The following ARHGEF10L variants were observed in gnomAD, a reference collection of about 807,000 sequenced individuals.
The protein encoded by ARHGEF10L is rho guanine nucleotide exchange factor 10-like protein.
A neutral mutation model predicts 141.2 loss-of-function variants in ARHGEF10L; 69 were observed. The observed-to-expected ratio is 0.49, with a 90% confidence interval of 0.40 to 0.60. The LOEUF (loss-of-function observed/expected upper bound fraction) is 0.60, where lower values mean the gene tolerates loss of function less well. ARHGEF10L is among the 20% of genes least tolerant of loss of function. ARHGEF10L has a pLI of 0.00. For synonymous variants in ARHGEF10L, 711 were observed against 718.5 expected, an observed-to-expected ratio of 0.99 and a Z score of 0.17; for missense variants, 1,482 against 1,734.3, an observed-to-expected ratio of 0.85 and a Z score of 2.58.
the ARHGEF10L span, among the ~76,000 whole-genome samples, chr1:17,533,377 C>A: frequency 0.017 from 2,514 of 151,890 alleles, 31 homozygotes; most frequent in Middle Eastern, 0.041. Context: ...GCTATGTTGC[C>A]CAGGCTGGTC....
rs1436065945 is a variant in ARHGEF10L at position 17,621,333 on chromosome 1, A to G, written c.943-531A>G. ...CTGCAACCTCTGCCTCCCAGGTTCC[A>G]GCAATTCTCTTGCTTCAGCCTCCAA... On this transcript the variant is annotated intron_variant, in intron 10 of 28. Coordinates refer to ENST00000361221, the MANE Select transcript of ARHGEF10L (RefSeq NM_018125.4). The surrounding 1 kb of genome is among the most constrained non-coding windows in gnomAD (Gnocchi z 4.1). Among the ~76,000 whole-genome samples, 2 of 152,112 alleles carry G rather than the reference A, an allele frequency of 1.3e-5. No homozygotes were observed. Among genetic ancestry groups the G allele is most frequent in the East Asian group, 3.9e-4 (2 of 5,174 alleles).
intron 27 of ARHGEF10L, chr1:17,694,798 T>C (rs1040139875): frequency 2.4e-6 from 1 of 408,224 alleles, no homozygotes; most frequent in South Asian, 1.9e-5. Flanking sequence ...GCTGGCTGGA[T>C]CCCTGCATGG....
Position 17,623,229 on chromosome 1 carries a change from C to T in ARHGEF10L, c.1200+54C>T. The stretch of plus-strand genomic sequence containing the variant: ...CCACCAAGGTAAAACCACAACCAGT[C>T]TGACCCCGGGGCCATGCAGTCCAGC... On this transcript the variant is annotated intron_variant, in intron 12 of 28. Coordinates refer to ENST00000361221, the MANE Select transcript of ARHGEF10L (RefSeq NM_018125.4). The surrounding 1 kb of genome is among the most constrained non-coding windows in gnomAD (Gnocchi z 4.7). 1 of 1,582,232 alleles carries T rather than the reference C, an allele frequency of 6.3e-7. No homozygotes were observed. Among genetic ancestry groups the T allele is most frequent in the Non-Finnish European group, 8.6e-7 (1 of 1,161,782 alleles).
intron 27 of ARHGEF10L, 103 bp from the exon 28 acceptor site, chr1:17,695,055 C>G (rs1430065151): frequency 6.4e-7 from 1 of 1,555,250 alleles, no homozygotes; most frequent in East Asian, 2.2e-5. Context: ...TTGCTGGTTT[C>G]AGGGGAGGAG....
intron 26 of ARHGEF10L, among the ~76,000 whole-genome samples, chr1:17,671,243 G>A (rs1423885706): frequency 6.6e-6 from 1 of 152,238 alleles, no homozygotes; most frequent in Admixed American, 6.5e-5. Context: ...GAGATTCGGG[G>A]GGTTAGGCAT....
rs1302351365 is a variant in ARHGEF10L at position 17,625,832 on chromosome 1, C to T, written c.1318-124C>T. 1.3e-6 allele frequency: 1 copy of T among 791,064 alleles called. No individual in the cohort carries two copies. 49.0% of individuals were successfully genotyped at this position (791,064 alleles called of 1,614,324 possible). ...ACCTCTCTCAGCTCTTCTTGCAAGCCCAGGGATAGGCAGGGTCTTAGGGCC... is the reference window on the plus strand; with the variant it reads ...ACCTCTCTCAGCTCTTCTTGCAAGCTCAGGGATAGGCAGGGTCTTAGGGCC... On this transcript the variant is annotated intron_variant, in intron 13 of 28. Transcript: ENST00000361221. This position sits in a 1 kb window ranked among gnomAD's most constrained non-coding sequence, Gnocchi z 4.5.
chr1:17,599,584 G>C (rs2080445506), intron 4 of ARHGEF10L, among the ~76,000 whole-genome samples: 1 of 152,170 alleles, frequency 6.6e-6, no homozygotes, highest in Non-Finnish European at 1.5e-5. Flanking sequence ...TGAGGAGGTG[G>C]CGGCTCAGCG....
intron 4 of ARHGEF10L, among the ~76,000 whole-genome samples, chr1:17,595,151 A>G (rs769020344): frequency 6.0e-5 from 9 of 150,932 alleles, no homozygotes; most frequent in Admixed American, 1.3e-4. Flanking sequence ...TTTGCTAGGC[A>G]TGTATGCAAG....
intron 27 of ARHGEF10L, chr1:17,691,333 G>C: frequency 3.5e-6 from 1 of 282,660 alleles, no homozygotes. Flanking sequence ...CCCAGAATGA[G>C]GTCTGCAGAT....
chr1:17,532,649 A>G, the ARHGEF10L span, among the ~76,000 whole-genome samples: 1 of 143,860 alleles, frequency 7.0e-6, no homozygotes, highest in Non-Finnish European at 1.5e-5. Flanking sequence ...GGCTGGAGTG[A>G]AGTGGCGTGA....
In ARHGEF10L at chr1:17,540,040, G is replaced by C. The variant is rs549412306; in HGVS notation, c.-44+90G>C. ...GCGCGGGAGGCGCTCCAGGCGCCAG[G>C]GTCCTCCGGGTGTCCTGGGCGTGTC... On this transcript the variant is annotated intron_variant, in intron 1 of 28. Transcript: ENST00000361221. 2.6e-5 allele frequency: 4 copies of C among 152,140 alleles called. No individual in the cohort carries two copies. In the East Asian group the frequency reaches 7.8e-4, roughly 30 times the overall value. The allele number at this position is 152,140 out of a possible 1,614,324, so 9.4% of individuals were successfully genotyped here. A position where few individuals can be genotyped will look rare whatever the true frequency, so the allele number is the denominator to read the frequency against.
At chr1:17,678,187 C>G (rs549028635) in intron 26 of ARHGEF10L, among the ~76,000 whole-genome samples, 3 of 152,214 alleles carry the variant, frequency 2.0e-5, no homozygotes, top group Admixed American at 6.5e-5. Flanking sequence ...AAGGGTAAGA[C>G]TCGCAGCAAA....
Position 17,687,635 on chromosome 1 carries a change from C to T in ARHGEF10L, c.3072C>T (p.Ser1024=), listed in dbSNP as rs768636754. 3.3e-5 allele frequency: 54 copies of T among 1,612,752 alleles called. No individual in the cohort carries two copies. Among genetic ancestry groups the T allele is most frequent in the Non-Finnish European group, 4.1e-5 (48 of 1,179,844 alleles). The change falls in exon 27 of 29, where the codon AGC becomes AGT. Residue 1024 remains serine (S), a synonymous_variant. Coordinates refer to ENST00000361221, the MANE Select transcript of ARHGEF10L (RefSeq NM_018125.4). The part of the protein sequence containing the change: ...VSVTHMVKAG[S]GVWMAFSSGT... ...TGACACACATGGTGAAGGCGGGCAG[C>T]GGCGTCTGGATGGCCTTCTCCTCCG...
At chr1:17,593,163 C>T (rs756033077) in intron 4 of ARHGEF10L, among the ~76,000 whole-genome samples, 5 of 152,182 alleles carry the variant, frequency 3.3e-5, no homozygotes, top group Non-Finnish European at 7.3e-5. Context: ...AATCCTGTGA[C>T]GTTCCTCCCT....
At chr1:17,554,941 C>G (rs1419403791) in intron 1 of ARHGEF10L, among the ~76,000 whole-genome samples, 1 of 152,150 alleles carries the variant, frequency 6.6e-6, no homozygotes, top group Non-Finnish European at 1.5e-5. Flanking sequence ...TGCTGTTTGC[C>G]TTCTCTTTCT....
At chr1:17,612,294 A>C (rs1480106871) in intron 7 of ARHGEF10L, among the ~76,000 whole-genome samples, 2 of 152,034 alleles carry the variant, frequency 1.3e-5, no homozygotes, top group African/African-American at 4.8e-5. Context: ...AATATTTGCC[A>C]GCACAGCACT....
In ARHGEF10L at chr1:17,697,130, A is replaced by G. The variant is rs572510331; in HGVS notation, c.3590A>G (p.Asp1197Gly). 2.0e-5 allele frequency: 33 copies of G among 1,610,808 alleles called. No individual in the cohort carries two copies. The East Asian group carries it at 6.9e-4, about 34-fold the overall frequency. ...LLSMREPAPA[D>G]GAALEHSEED... is the part of the protein sequence containing the mutation. ...TCCATGCGGGAGCCGGCGCCTGCTG[A>G]TGGCGCAGCTTTGGAGCACAGCGAG... Residue 1197 changes from aspartate (D) to glycine (G), a missense_variant, in exon 29 of 29, where the codon GAT becomes GGT. Asp to Gly is a moderately conservative substitution (Grantham distance 94, BLOSUM62 -1). This residue lies in a region of ARHGEF10L where 858 missense variants were observed against 966.3 expected (regional missense o/e 0.89). Transcript: ENST00000361221. This position sits in a 1 kb window ranked among gnomAD's most constrained non-coding sequence, Gnocchi z 4.8.
chr1:17,618,603 C>T, intron 9 of ARHGEF10L: 1 of 1,076,636 alleles, frequency 9.3e-7, no homozygotes, highest in Non-Finnish European at 1.2e-6. Context: ...AGCTTCCTCA[C>T]AGCTCCCATT....
At chr1:17,590,768 C>G (rs2079464697) in intron 4 of ARHGEF10L, among the ~76,000 whole-genome samples, 2 of 152,132 alleles carry the variant, frequency 1.3e-5, no homozygotes, top group African/African-American at 4.8e-5. Flanking sequence ...GGGTGGACCA[C>G]TGAGGTCAGG....
Sources: gnomAD v4.1 joint callset for allele counts (sites outside exome capture counted in the v4.1 genomes callset) on GRCh38, gnomAD v4.1.1 for gene constraint, gnomAD v4.1.1 regional missense constraint, Gnocchi (gnomAD v3.1) non-coding constraint, MANE v1.5 for transcripts, NCBI Gene and HGNC (gene_info 2026-07-23, HGNC 2026-07-21) for gene names.